Variants in PRDM16 observed in about 807,000 individuals in gnomAD.
PRDM16 encodes PR/SET domain 16, also known as histone-lysine N-methyltransferase PRDM16.
PRDM16 carries 23 observed loss-of-function variants against 110.6 expected under a neutral mutation model. That is an observed-to-expected ratio of 0.21 (90% CI 0.15 to 0.29). PRDM16 has a LOEUF of 0.29. PRDM16 is among the 10% of genes least tolerant of loss of function. The pLI is 1.00. For missense variants in PRDM16, 1,615 were observed against 1,794.3 expected (o/e 0.90, Z 1.81); for synonymous variants, 799 against 781.8 (o/e 1.02, Z -0.37).
intron 3 of PRDM16, among the ~76,000 whole-genome samples, chr1:3,376,345 G>T (rs1452979513): frequency 1.3e-5 from 2 of 152,210 alleles, no homozygotes; most frequent in African/African-American, 4.8e-5. Flanking sequence ...TGACACAAAA[G>T]CAGAGCCCCC....
chr1:3,233,297 G>T (rs1322057806), intron 2 of PRDM16, among the ~76,000 whole-genome samples: 1 of 152,190 alleles, frequency 6.6e-6, no homozygotes. Flanking sequence ...GGTGGAAAAT[G>T]GCCAGCAGTG....
chr1:3,238,814 C>T (rs572290721), intron 2 of PRDM16, among the ~76,000 whole-genome samples: 18 of 152,226 alleles, frequency 1.2e-4, no homozygotes, highest in Non-Finnish European at 2.2e-4. Flanking sequence ...TCTGTCCTGC[C>T]GGAGCACACT....
chr1:3,225,597 C>T lies in PRDM16; in HGVS notation c.388-18490C>T, dbSNP rs151238770. Among the ~76,000 whole-genome samples the T allele has an allele frequency of 0.013, 2,021 of 150,156 alleles. 114 individuals are homozygous for T. In the South Asian group the frequency reaches 0.16, roughly 12 times the overall value. The stretch of plus-strand genomic sequence containing the variant: ...GTGCGCGCGCGCAGAAGGAAGGAAA[C>T]GCAAGGAAGATCAGTTAAGGGATGA... On this transcript the variant is annotated intron_variant, in intron 2 of 16. Transcript: ENST00000270722.
intron 2 of PRDM16, 36 bp downstream of exon 2, chr1:3,186,510 C>A (rs1644270486): frequency 7.7e-7 from 1 of 1,298,210 alleles, no homozygotes; most frequent in Non-Finnish European, 1.1e-6. Flanking sequence ...TGATCACGGC[C>A]ATTTATCTTG....
chr1:3,130,923 T>C lies in PRDM16; in HGVS notation c.38-55202T>C, dbSNP rs990716897. Among the ~76,000 whole-genome samples the C allele has an allele frequency of 4.6e-5, 7 of 152,112 alleles. No homozygotes were observed. The East Asian group carries it at 1.4e-3, about 29-fold the overall frequency. On this transcript the variant is annotated intron_variant, in intron 1 of 16. Coordinates refer to ENST00000270722, the MANE Select transcript of PRDM16 (RefSeq NM_022114.4). ...CGCAGCCGCTTCCTTCTGCAGGTTG[T>C]GCCCTGTTCAGGTTAGGTGTGTTCC...
intron 2 of PRDM16, among the ~76,000 whole-genome samples, chr1:3,188,425 G>A (rs1644296730): frequency 6.6e-6 from 1 of 152,208 alleles, no homozygotes; most frequent in Non-Finnish European, 1.5e-5. Context: ...GCCAGGCCCA[G>A]CGCAGACTGC....
chr1:3,167,141 G>C (rs1423947857), intron 1 of PRDM16, among the ~76,000 whole-genome samples: 1 of 152,120 alleles, frequency 6.6e-6, no homozygotes, highest in Admixed American at 6.5e-5. Context: ...ACTACCACCG[G>C]GGAGCCTGAG....
intron 2 of PRDM16, among the ~76,000 whole-genome samples, chr1:3,205,264 G>A (rs1569842149): frequency 6.6e-6 from 1 of 152,170 alleles, no homozygotes; most frequent in Non-Finnish European, 1.5e-5. Context: ...CCCCCAAGGC[G>A]CCTTCTGAGC....
chr1:3,375,652 C>A (rs373121697), intron 3 of PRDM16, among the ~76,000 whole-genome samples: 35 of 152,340 alleles, frequency 2.3e-4, no homozygotes, highest in African/African-American at 8.2e-4. Context: ...GGGCACAGCA[C>A]AGCCTCAAGG....
intron 8 of PRDM16, among the ~76,000 whole-genome samples, chr1:3,407,292 A>G (rs935720275): frequency 3.3e-5 from 5 of 151,990 alleles, no homozygotes; most frequent in African/African-American, 1.2e-4. Context: ...GCTAGGGGTG[A>G]CTCCGCCCCC....
At chr1:3,348,500 C>T (rs978744685) in intron 3 of PRDM16, among the ~76,000 whole-genome samples, 6 of 152,194 alleles carry the variant, frequency 3.9e-5, no homozygotes, top group African/African-American at 7.2e-5. Flanking sequence ...GCAGTGGGCA[C>T]GGCTTCTGCT....
In PRDM16 at chr1:3,412,363, C is replaced by G. The variant is rs1218415690; in HGVS notation, c.2166C>G (p.His722Gln). Residue 722 changes from histidine to glutamine, a missense_variant, in exon 9 of 17, where the codon CAC becomes CAG. Physicochemically the swap from His to Gln is conservative, Grantham distance 24. Around this residue, in one of 5 missense-constraint regions of PRDM16, gnomAD observed 772 missense variants for 748.3 expected, o/e 1.03. Coordinates refer to ENST00000270722, the MANE Select transcript of PRDM16 (RefSeq NM_022114.4). ...AGAAGCTGGGCTCGCTCCCCTACCA[C>G]TCGGCGTTCCCCTTCCAGTTCCTGC... ...QEKKLGSLPY[H>Q]SAFPFQFLPN... 5 of 1,613,642 alleles carry G rather than the reference C, an allele frequency of 3.1e-6. No individual in the cohort carries two copies. The highest frequency in any genetic ancestry group is 4.2e-6 in the Non-Finnish European group (5 of 1,180,026).
In PRDM16 at chr1:3,186,251, C is replaced by G; in HGVS notation, c.164C>G (p.Pro55Arg). 1 of 1,612,404 alleles carries G rather than the reference C, an allele frequency of 6.2e-7. No homozygotes were observed. Residue 55 changes from proline to arginine, a missense_variant, in exon 2 of 17, where the codon CCC (proline) becomes CGC (arginine). This residue lies in a region of PRDM16 where 416 missense variants were observed against 467.1 expected (regional missense o/e 0.89). Coordinates refer to ENST00000270722, the MANE Select transcript of PRDM16 (RefSeq NM_022114.4). ...CCCGTGGGGCCACCGTCCCCCTTCCCCACCAGCGAGGACTTCACCCCCAAG... is the reference window on the plus strand; with the variant it reads ...CCCGTGGGGCCACCGTCCCCCTTCCGCACCAGCGAGGACTTCACCCCCAAG... ...PIPVGPPSPF[P>R]TSEDFTPKEG... is the part of the protein sequence containing the mutation.
At position 3,129,653 on chromosome 1, in the gene PRDM16, C is replaced by T. The variant is rs919092327; in HGVS notation, c.38-56472C>T. Among the ~76,000 whole-genome samples, 5 of 152,184 alleles carry T rather than the reference C, an allele frequency of 3.3e-5. No individual in the cohort carries two copies. The East Asian group carries it at 9.6e-4, about 29-fold the overall frequency. On this transcript the variant is annotated intron_variant, in intron 1 of 16. Coordinates refer to ENST00000270722, the MANE Select transcript of PRDM16 (RefSeq NM_022114.4). Reference sequence around the variant, plus strand: ...GGTTCTCCCAGGTCCTCCGCAGTTACGTGGGAGAGCCCAAGGGCCCTCAGT... The same window carrying T: ...GGTTCTCCCAGGTCCTCCGCAGTTATGTGGGAGAGCCCAAGGGCCCTCAGT...
intron 1 of PRDM16, among the ~76,000 whole-genome samples, chr1:3,086,631 A>G (rs1642158802): frequency 6.6e-6 from 1 of 152,098 alleles, no homozygotes; most frequent in African/African-American, 2.4e-5. Context: ...CCCTTCCCCC[A>G]GCTGCAGCAG....
chr1:3,381,180 G>A (rs778527161), intron 3 of PRDM16, among the ~76,000 whole-genome samples: 1 of 152,106 alleles, frequency 6.6e-6, no homozygotes, highest in Non-Finnish European at 1.5e-5. Flanking sequence ...ATACATACAT[G>A]CACAGGTGCA....
chr1:3,313,387 G>A (rs1030387604), intron 3 of PRDM16, among the ~76,000 whole-genome samples: 4 of 152,194 alleles, frequency 2.6e-5, no homozygotes, highest in Admixed American at 6.5e-5. Context: ...TGTGCTGACC[G>A]GCCTGGTCTC....
intron 3 of PRDM16, among the ~76,000 whole-genome samples, chr1:3,383,532 G>A (rs938924630): frequency 1.3e-5 from 2 of 152,126 alleles, no homozygotes; most frequent in Non-Finnish European, 2.9e-5. Flanking sequence ...AGAGACCGGG[G>A]CACGTGGACC....
intron 1 of PRDM16, among the ~76,000 whole-genome samples, chr1:3,073,561 C>A (rs1202941124): frequency 6.6e-6 from 1 of 152,134 alleles, no homozygotes; most frequent in African/African-American, 2.4e-5. Flanking sequence ...GGAAACTTCG[C>A]GAGCGAAGCC....
Sources: gnomAD v4.1 joint callset for allele counts (sites outside exome capture counted in the v4.1 genomes callset) on GRCh38, gnomAD v4.1.1 for gene constraint, gnomAD v4.1.1 regional missense constraint, MANE v1.5 for transcripts, NCBI Gene and HGNC (gene_info 2026-07-23, HGNC 2026-07-21) for gene names.